Variants in ATP8A2 observed in about 807,000 individuals in gnomAD.
The protein encoded by ATP8A2 is ATPase phospholipid transporting 8A2, also known as phospholipid-transporting ATPase IB.
ATP8A2 carries 100 observed loss-of-function variants against 165.6 expected under a neutral mutation model. That is an observed-to-expected ratio of 0.60 (90% CI 0.51 to 0.71). The LOEUF is 0.71. ATP8A2 is among the 30% of genes least tolerant of loss of function. The pLI is 0.00. For missense variants in ATP8A2, 1,227 were observed against 1,479.5 expected (o/e 0.83, Z 2.80); for synonymous variants, 543 against 548.8 (o/e 0.99, Z 0.15).
At chr13:25,453,812 G>T (rs1481743834) in intron 1 of ATP8A2, among the ~76,000 whole-genome samples, 6 of 152,206 alleles carry the variant, frequency 3.9e-5, no homozygotes, top group African/African-American at 1.4e-4. Context: ...AAGTTTGCCA[G>T]AGGGCTAAGA....
chr13:25,590,261 C>G (rs1310531671), intron 24 of ATP8A2, among the ~76,000 whole-genome samples: 1 of 151,938 alleles, frequency 6.6e-6, no homozygotes, highest in Non-Finnish European at 1.5e-5. Context: ...CTCATCTCTA[C>G]AAAAAATGGA....
At position 25,699,269 on chromosome 13, in the gene ATP8A2, A is replaced by T; in HGVS notation, c.2308A>T (p.Lys770Ter). ...CCTGATCATCGATGGCCACACCCTG[A>T]AGTACGCGCTCTCCTTCGAAGTCCG... The part of the protein sequence containing the change: ...VALIIDGHTL[K>*]YALSFEVRRS... Residue 770 changes from lysine (K) to a stop codon, truncating the protein, a stop_gained, in exon 25 of 37, where the codon AAG becomes TAG. Transcript: ENST00000381655. LOFTEE classifies it high-confidence loss of function. 6.2e-7 allele frequency: 1 copy of T among 1,613,870 alleles called. No homozygotes were observed. The highest frequency in any genetic ancestry group is 8.5e-7 in the Non-Finnish European group (1 of 1,179,862).
intron 2 of ATP8A2, among the ~76,000 whole-genome samples, chr13:25,517,798 A>T (rs2037529132): frequency 6.6e-6 from 1 of 152,234 alleles, no homozygotes; most frequent in Non-Finnish European, 1.5e-5. Flanking sequence ...TTTAAAATGA[A>T]CTTAGTGACC....
chr13:25,942,519 C>G (rs1399025738), intron 33 of ATP8A2, among the ~76,000 whole-genome samples: 2 of 152,142 alleles, frequency 1.3e-5, no homozygotes, highest in Non-Finnish European at 2.9e-5. Flanking sequence ...GCCTCCCGGG[C>G]TCAAGCGATT....
At chr13:25,982,417 G>A (rs76251104) in intron 35 of ATP8A2, among the ~76,000 whole-genome samples, 1 of 152,136 alleles carries the variant, frequency 6.6e-6, no homozygotes, top group Admixed American at 6.5e-5. Context: ...ACCGGGGCTG[G>A]GTGGGGCACA....
At chr13:25,596,129 A>G (rs1565964269) in intron 24 of ATP8A2, among the ~76,000 whole-genome samples, 1 of 152,088 alleles carries the variant, frequency 6.6e-6, no homozygotes, top group Non-Finnish European at 1.5e-5. Context: ...TGATTTTGCA[A>G]TTTTCATTCT....
intron 25 of ATP8A2, among the ~76,000 whole-genome samples, chr13:25,700,384 G>A (rs375651302): frequency 2.6e-5 from 4 of 152,062 alleles, no homozygotes; most frequent in African/African-American, 7.2e-5. Context: ...TCATCACCCC[G>A]TAAAGAAACT....
intron 33 of ATP8A2, among the ~76,000 whole-genome samples, chr13:25,911,366 A>G (rs534188054): frequency 6.6e-6 from 1 of 152,334 alleles, no homozygotes; most frequent in Non-Finnish European, 1.5e-5. Context: ...AGCATGGCAC[A>G]GGCCTATCAG....
intron 1 of ATP8A2, among the ~76,000 whole-genome samples, chr13:25,431,023 C>T (rs527281090): frequency 2.0e-5 from 3 of 152,208 alleles, no homozygotes; most frequent in Non-Finnish European, 2.9e-5. Flanking sequence ...TATATATACA[C>T]ACACACACAC....
chr13:25,948,502 G>A (rs1955268757), intron 33 of ATP8A2, among the ~76,000 whole-genome samples: 1 of 152,168 alleles, frequency 6.6e-6, no homozygotes, highest in Non-Finnish European at 1.5e-5. Context: ...CAATGGCAGA[G>A]CTGGGATTGG....
intron 23 of ATP8A2, among the ~76,000 whole-genome samples, chr13:25,588,729 G>A (rs568971417): frequency 6.6e-6 from 1 of 152,326 alleles, no homozygotes; most frequent in East Asian, 1.9e-4. Flanking sequence ...TTCTCAATGA[G>A]AGAGATTGAG....
intron 25 of ATP8A2, among the ~76,000 whole-genome samples, chr13:25,726,441 G>A (rs1239077074): frequency 2.6e-5 from 4 of 152,212 alleles, no homozygotes; most frequent in Non-Finnish European, 5.9e-5. Context: ...TGGGCTCTGG[G>A]GAGAATGTGT....
chr13:25,586,922 T>G (rs947143425), intron 23 of ATP8A2, among the ~76,000 whole-genome samples: 3 of 152,228 alleles, frequency 2.0e-5, no homozygotes, highest in Non-Finnish European at 4.4e-5. Flanking sequence ...TACCATAGAC[T>G]ATATAATATT....
chr13:25,671,090 T>G (rs61226721), intron 24 of ATP8A2, among the ~76,000 whole-genome samples: 5,322 of 152,252 alleles, frequency 0.035, 158 homozygotes, highest in East Asian at 0.13. Flanking sequence ...TTCATGGACA[T>G]TTATTAGTTC....
At chr13:25,894,070 A>G (rs1953461314) in intron 33 of ATP8A2, among the ~76,000 whole-genome samples, 1 of 152,104 alleles carries the variant, frequency 6.6e-6, no homozygotes, top group Non-Finnish European at 1.5e-5. Flanking sequence ...GGCTTTTGTT[A>G]CCATTGCTTT....
At chr13:25,517,303 C>G (rs867323191) in intron 2 of ATP8A2, 1 of 152,096 alleles carries the variant, frequency 6.6e-6, no homozygotes, top group Middle Eastern at 3.4e-3. Flanking sequence ...ATGATATTAG[C>G]CATAAATATC....
intron 33 of ATP8A2, among the ~76,000 whole-genome samples, chr13:25,942,852 C>T (rs552493399): frequency 6.6e-6 from 1 of 152,360 alleles, no homozygotes; most frequent in African/African-American, 2.4e-5. Flanking sequence ...GCTCTGTGCT[C>T]TACCTGGAAG....
chr13:25,971,732 C>T (rs1250498612), intron 35 of ATP8A2, among the ~76,000 whole-genome samples: 1 of 152,102 alleles, frequency 6.6e-6, no homozygotes, highest in East Asian at 1.9e-4. Flanking sequence ...GTCACCGGGC[C>T]TCCAGGGAGG....
intron 24 of ATP8A2, among the ~76,000 whole-genome samples, chr13:25,694,236 C>T (rs181542342): frequency 1.3e-5 from 2 of 152,182 alleles, no homozygotes; most frequent in African/African-American, 4.8e-5. Context: ...TGCCCTCTTA[C>T]AAAAAGCCAC....
Sources: allele counts gnomAD v4.1 joint callset (sites outside exome capture counted in the v4.1 genomes callset), GRCh38; gene constraint gnomAD v4.1.1; transcripts MANE v1.5; gene names NCBI Gene and HGNC (gene_info 2026-07-23, HGNC 2026-07-21).